Variants in TCF12 observed in about 807,000 individuals in gnomAD.
The protein encoded by TCF12 is transcription factor 12.
TCF12 carries 45 observed loss-of-function variants against 86.0 expected under a neutral mutation model. The observed-to-expected ratio is 0.52, with a 90% CI of 0.41 to 0.67. The LOEUF is 0.67. TCF12 is among the 30% of genes least tolerant of loss of function. The probability of loss-of-function intolerance (pLI) is 0.00; values close to 1 mark genes in which losing one functional copy is unlikely to be tolerated. For synonymous variants in TCF12, 330 were observed against 299.6 expected (o/e 1.10, Z -1.05); for missense variants, 881 against 859.9 (o/e 1.02, Z -0.31).
At chr15:57,053,443 T>C (rs2703583) in intron 3 of TCF12, among the ~76,000 whole-genome samples, 2,436 of 152,314 alleles carry the variant, frequency 0.016, 69 homozygotes, top group African/African-American at 0.056. Flanking sequence ...TGTTGTTGAC[T>C]TTGTTTTGAG....
chr15:57,067,014 C>G (rs1055381386), intron 4 of TCF12, among the ~76,000 whole-genome samples: 1 of 152,150 alleles, frequency 6.6e-6, no homozygotes, highest in Non-Finnish European at 1.5e-5. Flanking sequence ...ATGTATTAAG[C>G]GGTCACAAAC....
At chr15:57,277,176 A>T (rs2061436983) in intron 19 of TCF12, among the ~76,000 whole-genome samples, 1 of 152,128 alleles carries the variant, frequency 6.6e-6, no homozygotes, top group Non-Finnish European at 1.5e-5. Context: ...AAGATATTCC[A>T]CATAAGCTGG....
intron 13 of TCF12, among the ~76,000 whole-genome samples, chr15:57,246,603 T>A (rs935328): frequency 0.26 from 39,915 of 151,590 alleles, 5,425 homozygotes; most frequent in African/African-American, 0.32. Flanking sequence ...AAATTCCCTA[T>A]TTTTTTATTC....
chr15:56,923,993 T>G (rs1309233609), intron 3 of TCF12, among the ~76,000 whole-genome samples: 1 of 152,128 alleles, frequency 6.6e-6, no homozygotes, highest in African/African-American at 2.4e-5. Flanking sequence ...GGAATACAGT[T>G]TTTCATTTTT....
chr15:56,962,783 G>C lies in TCF12; in HGVS notation c.148+41685G>C, dbSNP rs149896916. Among the ~76,000 whole-genome samples the C allele has an allele frequency of 2.8e-3, 433 of 152,226 alleles. 2 individuals are homozygous for C. The highest frequency in any genetic ancestry group is 0.01 in the Middle Eastern group (3 of 294). On this transcript the variant is annotated intron_variant, in intron 3 of 20. Transcript: ENST00000333725. Reference sequence around the variant, plus strand: ...CTCTTTAAGCTGTGGAATCCTACCAGATATTTAGAATGATAATGTGAACAG... The same window carrying C: ...CTCTTTAAGCTGTGGAATCCTACCACATATTTAGAATGATAATGTGAACAG...
At chr15:57,284,548 A>G (rs1204972588) in intron 20 of TCF12, among the ~76,000 whole-genome samples, 2 of 152,256 alleles carry the variant, frequency 1.3e-5, no homozygotes, top group Non-Finnish European at 2.9e-5. Context: ...AAACCATGCC[A>G]CTATTTCTCA....
At chr15:57,113,166 G>C (rs751518544) in intron 5 of TCF12, among the ~76,000 whole-genome samples, 10 of 151,926 alleles carry the variant, frequency 6.6e-5, no homozygotes, top group Admixed American at 1.3e-4. Context: ...CCATATCCCC[G>C]TGACTCCCTA....
At chr15:57,255,854 A>T (rs2060323510) in intron 16 of TCF12, among the ~76,000 whole-genome samples, 1 of 152,198 alleles carries the variant, frequency 6.6e-6, no homozygotes, top group African/African-American at 2.4e-5. Flanking sequence ...ACATGAAGTG[A>T]GTCTGGCTTA....
At chr15:57,148,372 C>T (rs1398665091) in intron 5 of TCF12, among the ~76,000 whole-genome samples, 3 of 150,386 alleles carry the variant, frequency 2.0e-5, no homozygotes, top group African/African-American at 7.3e-5. Flanking sequence ...ATGATCACAC[C>T]ACTGCACTCC....
intron 5 of TCF12, among the ~76,000 whole-genome samples, chr15:57,118,672 C>A (rs933707114): frequency 6.6e-6 from 1 of 152,126 alleles, no homozygotes; most frequent in Admixed American, 6.5e-5. Flanking sequence ...CTTCTTCAGA[C>A]CTACTTGTCT....
chr15:57,084,856 C>T (rs2048526095), intron 4 of TCF12, among the ~76,000 whole-genome samples: 1 of 151,882 alleles, frequency 6.6e-6, no homozygotes, highest in Admixed American at 6.6e-5. Context: ...TGTAATCTTT[C>T]AATAAACCTT....
chr15:57,253,327 T>C lies in TCF12; in HGVS notation c.1326T>C (p.Ala442=), dbSNP rs1201450256. ...CAATCCATGTGCTGCGGAACCATGC[T>C]GTGGGACCTTCCACCAGTTTGCCTG... ...DDAIHVLRNH[A]VGPSTSLPAG... is the part of the protein sequence containing the mutation. Residue 442 remains alanine, a synonymous_variant, in exon 16 of 21, where the codon GCT becomes GCC. Coordinates refer to ENST00000333725, the MANE Select transcript of TCF12 (RefSeq NM_207037.2). 6.2e-7 allele frequency: 1 copy of C among 1,614,118 alleles called. No homozygotes were observed. Among genetic ancestry groups the C allele is most frequent in the Admixed American group, 1.7e-5 (1 of 60,012 alleles).
intron 5 of TCF12, among the ~76,000 whole-genome samples, chr15:57,165,177 G>A (rs182335656): frequency 4.8e-4 from 72 of 150,732 alleles, no homozygotes; most frequent in African/African-American, 1.7e-3. Flanking sequence ...TACACGAGAT[G>A]TGCAAGGATA....
chr15:57,138,390 C>G (rs1028663017), intron 5 of TCF12, among the ~76,000 whole-genome samples: 1 of 152,186 alleles, frequency 6.6e-6, no homozygotes, highest in African/African-American at 2.4e-5. Flanking sequence ...AAGCCTTCTT[C>G]TCTTACCCTG....
chr15:57,204,111 T>C (rs2057694043), intron 8 of TCF12, among the ~76,000 whole-genome samples: 1 of 152,198 alleles, frequency 6.6e-6, no homozygotes, highest in Non-Finnish European at 1.5e-5. Context: ...GTTACAAAGT[T>C]CAGTGGCCCT....
At chr15:57,015,958 TTTA>T (rs2065129285) in intron 3 of TCF12, among the ~76,000 whole-genome samples, 1 of 152,194 alleles carries the variant, frequency 6.6e-6, no homozygotes, top group Non-Finnish European at 1.5e-5. Flanking sequence ...TAAGAGTGAT[TTTA>T]AGAGACCTTT....
At chr15:56,971,462 C>T (rs1175359414) in intron 3 of TCF12, among the ~76,000 whole-genome samples, 1 of 151,946 alleles carries the variant, frequency 6.6e-6, no homozygotes, top group Non-Finnish European at 1.5e-5. Context: ...AAGAAAACAG[C>T]AAGACACCCA....
At chr15:57,208,313 T>G (rs1277848720) in intron 8 of TCF12, among the ~76,000 whole-genome samples, 4 of 150,858 alleles carry the variant, frequency 2.7e-5, no homozygotes, top group Non-Finnish European at 4.4e-5. Flanking sequence ...ATTACAGTTG[T>G]GAGCCACCGC....
chr15:57,225,911 C>T (rs1026046894), intron 8 of TCF12, among the ~76,000 whole-genome samples: 10 of 150,798 alleles, frequency 6.6e-5, no homozygotes, highest in African/African-American at 2.4e-4. Context: ...GCACAATGTG[C>T]AGGTTAGTTA....
Sources: gnomAD v4.1 joint callset for allele counts (sites outside exome capture counted in the v4.1 genomes callset) on GRCh38, gnomAD v4.1.1 for gene constraint, MANE v1.5 for transcripts, NCBI Gene and HGNC (gene_info 2026-07-23, HGNC 2026-07-21) for gene names.